DPH6: variants seen among roughly 807,000 people sequenced by gnomAD.
DPH6 encodes the protein diphthine--ammonia ligase.
In DPH6, 33 loss-of-function variants were observed where a neutral mutation model predicts 38.2. The observed-to-expected ratio is 0.86, with a 90% confidence interval of 0.65 to 1.15. The LOEUF (loss-of-function observed/expected upper bound fraction) is 1.15. Ranked by LOEUF, DPH6 falls within the 50% of genes most tolerant of loss-of-function variation. DPH6 has a pLI of 0.00. For synonymous variants in DPH6, 108 were observed against 103.0 expected (o/e 1.05, Z -0.30); for missense variants, 325 against 320.0 (o/e 1.02, Z -0.12).
At position 35,460,903 on chromosome 15, in the gene DPH6, T is replaced by TAAAAA. The variant is rs549293460; in HGVS notation, c.313-6088_313-6084dup. Among the ~76,000 whole-genome samples, 439 of 114,710 alleles carry TAAAAA rather than the reference T, an allele frequency of 3.8e-3. 11 individuals are homozygous for TAAAAA. The highest frequency in any genetic ancestry group is 5.0e-3 in the Non-Finnish European group (292 of 58,178). The allele number at this position is 114,710 out of a possible 152,430, so 75.3% of individuals were successfully genotyped here. On this transcript the variant is annotated intron_variant, in intron 3 of 8. Transcript: ENST00000256538. ...AAGCAAAGAGATACTCACAAACTGG[T>TAAAAA]AAAAAAAAAAAAAAAAAAGGTTCAT...
At position 35,498,943 on chromosome 15, in the gene DPH6, TAA is replaced by T. The variant is rs61542040; in HGVS notation, c.312+39329_312+39330del. Among the ~76,000 whole-genome samples the T allele has an allele frequency of 2.0e-3, 220 of 108,406 alleles. 3 individuals carry two copies. Among genetic ancestry groups the T allele is most frequent in the African/African-American group, 5.9e-3 (161 of 27,400 alleles). 71.1% of individuals were successfully genotyped at this position (108,406 alleles called of 152,430 possible). ...AGCAACACAGCAAGGCCTCATCTCT[TAA>T]AAAAAAAAAAAAAAAAAAAAAGTAT... On this transcript the variant is annotated intron_variant, in intron 3 of 8. Coordinates refer to ENST00000256538, the MANE Select transcript of DPH6 (RefSeq NM_080650.4).
chr15:35,346,462 G>T (rs1412107951), intron 3 of DPH6, among the ~76,000 whole-genome samples: 1 of 151,986 alleles, frequency 6.6e-6, no homozygotes, highest in African/African-American at 2.4e-5. Flanking sequence ...CCATCAGAAG[G>T]AATTACTTGA....
intron 1 of DPH6, among the ~76,000 whole-genome samples, chr15:35,545,872 T>C (rs1330537727): frequency 1.3e-5 from 2 of 151,838 alleles, no homozygotes; most frequent in Non-Finnish European, 2.9e-5. Context: ...TTGAATCCAA[T>C]GGGAATCCAA....
intron 5 of DPH6, among the ~76,000 whole-genome samples, chr15:35,449,476 C>T (rs1474279262): frequency 2.0e-5 from 3 of 151,984 alleles, no homozygotes; most frequent in East Asian, 3.8e-4. Context: ...TTTTATCTAT[C>T]GGGCAGTAAA....
the DPH6 span, among the ~76,000 whole-genome samples, chr15:35,148,036 C>A: frequency 1.3e-5 from 2 of 152,114 alleles, no homozygotes; most frequent in Admixed American, 6.5e-5. Context: ...TTAAAGCAAC[C>A]AACATTTCAG....
chr15:35,160,112 T>C, the DPH6 span, among the ~76,000 whole-genome samples: 1 of 151,916 alleles, frequency 6.6e-6, no homozygotes, highest in Non-Finnish European at 1.5e-5. Flanking sequence ...ACCTGGGTGA[T>C]GGGTTCAATC....
At chr15:35,221,897 C>T (rs2051445585) in intron 3 of DPH6, among the ~76,000 whole-genome samples, 1 of 152,132 alleles carries the variant, frequency 6.6e-6, no homozygotes, top group Admixed American at 6.5e-5. Flanking sequence ...ATGCAGCACC[C>T]TCAATATTTT....
intron 3 of DPH6, among the ~76,000 whole-genome samples, chr15:35,478,400 CACACAA>C (rs1291294858): frequency 1.2e-3 from 170 of 147,530 alleles, no homozygotes; most frequent in African/African-American, 2.3e-3. Flanking sequence ...CACACACACA[CACACAA>C]AGATTGTAAA....
chr15:35,523,240 CTTTT>C (rs35551024), intron 3 of DPH6, among the ~76,000 whole-genome samples: 3 of 100,096 alleles, frequency 3.0e-5, no homozygotes, highest in Admixed American at 1.0e-4. Context: ...GTTACACATT[CTTTT>C]TTTTTTTTTT....
chr15:35,387,123 G>C (rs994316214), intron 6 of DPH6, among the ~76,000 whole-genome samples: 8 of 152,090 alleles, frequency 5.3e-5, no homozygotes, highest in East Asian at 3.9e-4. Context: ...GCTTGTTTTT[G>C]TCAGGTTTGT....
At chr15:35,262,960 T>C (rs2140419945) in intron 3 of DPH6, among the ~76,000 whole-genome samples, 1 of 152,256 alleles carries the variant, frequency 6.6e-6, no homozygotes, top group Middle Eastern at 3.4e-3. Flanking sequence ...TAAACTCAAA[T>C]AATGAATATG....
intron 3 of DPH6, among the ~76,000 whole-genome samples, chr15:35,510,175 C>T (rs2054749356): frequency 6.6e-6 from 1 of 152,108 alleles, no homozygotes; most frequent in Non-Finnish European, 1.5e-5. Context: ...ATGGTGCCAC[C>T]ACACTCCAGC....
chr15:35,249,885 C>T (rs1036744472), intron 3 of DPH6, among the ~76,000 whole-genome samples: 86 of 151,996 alleles, frequency 5.7e-4, no homozygotes, highest in South Asian at 6.2e-4. Flanking sequence ...AAAATACGGC[C>T]GGGCGCGGTG....
At chr15:35,364,512 A>C (rs771602660) in intron 3 of DPH6, among the ~76,000 whole-genome samples, 9 of 152,128 alleles carry the variant, frequency 5.9e-5, no homozygotes, top group African/African-American at 1.4e-4. Context: ...CAAACAGATT[A>C]CTGTCATCCT....
At position 35,259,156 on chromosome 15, in the gene DPH6, A is replaced by G. The variant is rs1409245898; in HGVS notation, n.201-38574T>C. 2.0e-5 allele frequency among the ~76,000 whole-genome samples: 3 copies of G among 151,978 alleles called. No individual in the cohort carries two copies. The East Asian group carries it at 5.8e-4, about 29-fold the overall frequency. On this transcript the variant is annotated intron_variant and non_coding_transcript_variant, in intron 3 of 3. Transcript: ENST00000560386. The stretch of plus-strand genomic sequence containing the variant: ...CAAGACTCCGTCTCAAAAAAAAAAA[A>G]AAAAAGATTCCTACTAGGTGATCAT...
chr15:35,318,756 A>T (rs1247114848), intron 3 of DPH6, among the ~76,000 whole-genome samples: 2 of 152,144 alleles, frequency 1.3e-5, no homozygotes, highest in African/African-American at 4.8e-5. Flanking sequence ...TCATTTTCAC[A>T]GTTAAAAACT....
chr15:35,318,926 G>A (rs555973487), intron 3 of DPH6, among the ~76,000 whole-genome samples: 18 of 152,174 alleles, frequency 1.2e-4, no homozygotes, highest in East Asian at 7.7e-4. Context: ...ACAAGATCAC[G>A]AATGCATTTT....
chr15:35,419,820 T>C (rs759964110), intron 5 of DPH6, among the ~76,000 whole-genome samples: 3 of 152,102 alleles, frequency 2.0e-5, no homozygotes, highest in Non-Finnish European at 4.4e-5. Context: ...TGAAGAGGCA[T>C]AGACTGCAAC....
chr15:35,537,265 A>T (rs1192532970), intron 3 of DPH6, among the ~76,000 whole-genome samples: 1 of 152,100 alleles, frequency 6.6e-6, no homozygotes, highest in Non-Finnish European at 1.5e-5. Flanking sequence ...AACTTCTCTG[A>T]AGAGTGAGAA....
Sources: allele counts gnomAD v4.1 joint callset (sites outside exome capture counted in the v4.1 genomes callset), GRCh38; gene constraint gnomAD v4.1.1; transcripts MANE v1.5; gene names NCBI Gene and HGNC (gene_info 2026-07-23, HGNC 2026-07-21).